ERGIC1: variants seen among roughly 807,000 people sequenced by gnomAD.
ERGIC1 encodes the protein endoplasmic reticulum-Golgi intermediate compartment protein 1.
Under a neutral mutation model 38.3 loss-of-function variants are expected in ERGIC1, and 19 were observed. The observed-to-expected ratio is 0.50, with a 90% CI of 0.35 to 0.73. The LOEUF is 0.73. Among genes scored for constraint, ERGIC1 ranks in the 30% least tolerant of loss-of-function variants. The pLI, the probability that ERGIC1 is intolerant of heterozygous loss-of-function variation, is 0.01. For synonymous variants in ERGIC1, 124 were observed against 157.6 expected, an observed-to-expected ratio of 0.79 and a Z score of 1.60; for missense variants, 294 against 389.2, an observed-to-expected ratio of 0.76 and a Z score of 2.06.
At chr5:172,905,258 A>G in intron 3 of ERGIC1, 1 of 285,242 alleles carries the variant, frequency 3.5e-6, no homozygotes, top group Non-Finnish European at 7.6e-6. Flanking sequence ...GGCTCTCCTT[A>G]GTTGACTGTG....
chr5:172,867,971 T>C (rs573367603), intron 1 of ERGIC1, among the ~76,000 whole-genome samples: 2 of 152,338 alleles, frequency 1.3e-5, no homozygotes, highest in East Asian at 3.9e-4. Context: ...ATTCAGCCAG[T>C]TGCTTAGCAG....
At chr5:172,888,501 A>T (rs1446932450) in intron 1 of ERGIC1, among the ~76,000 whole-genome samples, 198 bp from the exon 2 acceptor site, 1 of 151,790 alleles carries the variant, frequency 6.6e-6, no homozygotes, top group African/African-American at 2.4e-5. Context: ...TGACAAGGGG[A>T]TGTGATCTAA....
rs1020779725 is a variant in ERGIC1 at position 172,892,610 on chromosome 5, T to C, written c.82+3850T>C. 3.9e-5 allele frequency among the ~76,000 whole-genome samples: 6 copies of C among 152,204 alleles called. No individual in the cohort carries two copies. In the South Asian group the frequency reaches 6.2e-4, roughly 16 times the overall value. On this transcript the variant is annotated intron_variant, in intron 2 of 9. Coordinates refer to ENST00000393784, the MANE Select transcript of ERGIC1 (RefSeq NM_001031711.3). ...CCTACTGTCCGATGCCTGAGTCAGTTTCAGAAGAAGTCTGGAGTTAGAGAG... is the reference window on the plus strand; with the variant it reads ...CCTACTGTCCGATGCCTGAGTCAGTCTCAGAAGAAGTCTGGAGTTAGAGAG...
At chr5:172,866,786 G>A (rs373052157) in intron 1 of ERGIC1, among the ~76,000 whole-genome samples, 8 of 152,188 alleles carry the variant, frequency 5.3e-5, no homozygotes, top group Non-Finnish European at 8.8e-5. Context: ...AGGCACGGGC[G>A]GCCCAGGGGC....
chr5:172,948,091 G>A (rs1030444192), intron 9 of ERGIC1, among the ~76,000 whole-genome samples: 2 of 152,060 alleles, frequency 1.3e-5, no homozygotes, highest in Admixed American at 6.6e-5. Context: ...TTCTGAGGCC[G>A]GCAGGGAGGG....
At chr5:172,874,993 A>C (rs2113187950) in intron 1 of ERGIC1, among the ~76,000 whole-genome samples, 1 of 152,168 alleles carries the variant, frequency 6.6e-6, no homozygotes, top group South Asian at 2.1e-4. Context: ...ATGACATTTG[A>C]AAATAGACTT....
chr5:172,908,314 G>GA (rs1763094813), intron 3 of ERGIC1, among the ~76,000 whole-genome samples: 2 of 24,746 alleles, frequency 8.1e-5, no homozygotes, highest in Non-Finnish European at 1.7e-4. Flanking sequence ...GGCGGGGGGG[G>GA]GGGGAGAGAG....
chr5:172,872,825 AAAAAAAG>A (rs1425655491), intron 1 of ERGIC1, among the ~76,000 whole-genome samples: 2 of 151,052 alleles, frequency 1.3e-5, no homozygotes, highest in Admixed American at 6.6e-5. Flanking sequence ...CAAAAAAAAG[AAAAAAAG>A]AAAAAAGAAA....
intron 1 of ERGIC1, among the ~76,000 whole-genome samples, chr5:172,842,522 G>A (rs1761184890): frequency 6.6e-6 from 1 of 152,072 alleles, no homozygotes; most frequent in African/African-American, 2.4e-5. Context: ...CAATTCTTTT[G>A]GATAAATACC....
chr5:172,870,937 C>T (rs115754764), intron 1 of ERGIC1, among the ~76,000 whole-genome samples: 1,987 of 152,290 alleles, frequency 0.013, 40 homozygotes, highest in African/African-American at 0.046. Context: ...AGATGATGCT[C>T]GCCACTTCAG....
intron 3 of ERGIC1, chr5:172,905,225 T>C (rs968523929): frequency 1.9e-5 from 5 of 263,252 alleles, no homozygotes; most frequent in Admixed American, 1.6e-4. Flanking sequence ...TCAGGCAGCT[T>C]CCTGGCTGGG....
intron 1 of ERGIC1, among the ~76,000 whole-genome samples, chr5:172,856,475 G>T (rs1268575445): frequency 6.6e-6 from 1 of 152,178 alleles, no homozygotes; most frequent in Non-Finnish European, 1.5e-5. Flanking sequence ...GTCAGTAGAG[G>T]TGAAGGGATT....
At chr5:172,930,757 G>T (rs1203099668) in intron 7 of ERGIC1, among the ~76,000 whole-genome samples, 1 of 152,184 alleles carries the variant, frequency 6.6e-6, no homozygotes, top group African/African-American at 2.4e-5. Flanking sequence ...ACTATCAAGC[G>T]TGGTCTTGGG....
chr5:172,867,664 A>G, intron 1 of ERGIC1: 1 of 300,814 alleles, frequency 3.3e-6, no homozygotes, highest in South Asian at 2.6e-5. Flanking sequence ...CCTAGCATGA[A>G]CCAGCAGAGG....
chr5:172,894,855 C>A (rs1260707210), intron 2 of ERGIC1, among the ~76,000 whole-genome samples: 1 of 152,228 alleles, frequency 6.6e-6, no homozygotes, highest in Non-Finnish European at 1.5e-5. Flanking sequence ...CTTTCTTCTC[C>A]CTTCCCTCGG....
Position 172,951,831 on chromosome 5 carries a change from C to G in ERGIC1, c.*1015C>G, listed in dbSNP as rs1477426810. 2.6e-5 allele frequency: 4 copies of G among 152,320 alleles called. No individual in the cohort carries two copies. Among genetic ancestry groups the G allele is most frequent in the African/African-American group, 9.6e-5 (4 of 41,470 alleles). The allele number at this position is 152,320 out of a possible 1,614,324, so 9.4% of individuals were successfully genotyped here. ...GTCCCAAGGCCTTAGGTGGAGGAAG[C>G]AAAGCAGGCCAGGCCTGTCCTGTCC... is the stretch of plus-strand genomic sequence containing the variant. On this transcript the variant is annotated 3_prime_UTR_variant, in exon 10 of 10. Coordinates refer to ENST00000393784, the MANE Select transcript of ERGIC1 (RefSeq NM_001031711.3).
At chr5:172,929,824 A>G (rs566887) in intron 7 of ERGIC1, among the ~76,000 whole-genome samples, 4,621 of 152,242 alleles carry the variant, frequency 0.03, 245 homozygotes, top group African/African-American at 0.11. Flanking sequence ...TAGAGAGATG[A>G]ATAAAACAAA....
chr5:172,857,584 T>C (rs923983880), intron 1 of ERGIC1, among the ~76,000 whole-genome samples: 1 of 106,472 alleles, frequency 9.4e-6, no homozygotes, highest in African/African-American at 3.0e-5. Context: ...GGGCTAATAA[T>C]GGTGCCCCCC....
intron 3 of ERGIC1, 132 bp from the exon 4 acceptor site, chr5:172,909,535 G>A (rs572778337): frequency 1.2e-5 from 9 of 766,236 alleles, no homozygotes; most frequent in African/African-American, 6.8e-5. Flanking sequence ...CACAGGAGGT[G>A]CAGGCTCTGC....
Sources: gnomAD v4.1 joint callset for allele counts (sites outside exome capture counted in the v4.1 genomes callset) on GRCh38, gnomAD v4.1.1 for gene constraint, MANE v1.5 for transcripts, NCBI Gene and HGNC (gene_info 2026-07-23, HGNC 2026-07-21) for gene names.